The following FRAS1 variants were observed in gnomAD, a reference collection of about 807,000 sequenced individuals.
FRAS1 encodes the protein Fraser extracellular matrix complex subunit 1.
A neutral mutation model predicts 435.2 loss-of-function variants in FRAS1; 290 were observed. The ratio of observed to expected loss-of-function variants is 0.67; its 90% confidence interval spans 0.61 to 0.73. The LOEUF (loss-of-function observed/expected upper bound fraction) is 0.73. Ranked by LOEUF, FRAS1 falls within the 30% of genes least tolerant of loss-of-function variation. The probability of loss-of-function intolerance (pLI) is 0.00; values close to 1 mark genes in which losing one functional copy is unlikely to be tolerated. For missense variants in FRAS1, 4,860 were observed against 5,001.5 expected (o/e 0.97, Z 0.85); for synonymous variants, 1,800 against 1,851.0 (o/e 0.97, Z 0.71).
chr4:78,223,052 G>A (rs1724122682), intron 2 of FRAS1, among the ~76,000 whole-genome samples: 2 of 152,182 alleles, frequency 1.3e-5, no homozygotes, highest in South Asian at 4.1e-4. Context: ...AAACAGTGAG[G>A]CTGGAAGCAA....
chr4:78,159,679 G>A (rs1455758169), intron 2 of FRAS1, among the ~76,000 whole-genome samples: 3 of 152,034 alleles, frequency 2.0e-5, no homozygotes, highest in African/African-American at 7.2e-5. Flanking sequence ...TCAGGAATTC[G>A]AGACCAGCCT....
At chr4:78,444,754 G>A (rs776955885) in intron 41 of FRAS1, among the ~76,000 whole-genome samples, 2 of 152,208 alleles carry the variant, frequency 1.3e-5, no homozygotes, top group Non-Finnish European at 2.9e-5. Context: ...GTTGGGATGA[G>A]AGGAGTAATC....
chr4:78,181,371 T>G (rs927851001), intron 2 of FRAS1: 95 of 1,611,762 alleles, frequency 5.9e-5, no homozygotes, highest in Non-Finnish European at 7.9e-5. Flanking sequence ...TCTTTGACAG[T>G]TCCCCAGTTG....
At chr4:78,197,090 T>A (rs1470025504) in intron 2 of FRAS1, among the ~76,000 whole-genome samples, 1 of 152,210 alleles carries the variant, frequency 6.6e-6, no homozygotes, top group African/African-American at 2.4e-5. Context: ...ATTCCTTTCA[T>A]CCTTTTGCTT....
intron 65 of FRAS1, among the ~76,000 whole-genome samples, chr4:78,515,411 C>G (rs1158806294): frequency 1.3e-5 from 2 of 149,984 alleles, no homozygotes; most frequent in African/African-American, 4.9e-5. Context: ...ATGAGCCATA[C>G]AGTAAATCCA....
intron 2 of FRAS1, among the ~76,000 whole-genome samples, chr4:78,128,279 T>G (rs893997191): frequency 6.4e-4 from 97 of 152,284 alleles, no homozygotes; most frequent in African/African-American, 1.4e-3. Flanking sequence ...GTAATGGGAT[T>G]GCTGGGTCAA....
intron 2 of FRAS1, among the ~76,000 whole-genome samples, chr4:78,193,789 T>C (rs1396795302): frequency 6.6e-6 from 1 of 152,178 alleles, no homozygotes; most frequent in Non-Finnish European, 1.5e-5. Context: ...TTAATATTGT[T>C]ATGTGTGAAT....
intron 2 of FRAS1, among the ~76,000 whole-genome samples, chr4:78,217,699 G>C (rs1723828138): frequency 6.6e-6 from 1 of 151,942 alleles, no homozygotes. Context: ...ATTTTCCCCA[G>C]TACTGTGCCA....
At chr4:78,284,185 A>C (rs1278456689) in intron 12 of FRAS1, among the ~76,000 whole-genome samples, 1 of 147,836 alleles carries the variant, frequency 6.8e-6, no homozygotes, top group Non-Finnish European at 1.5e-5. Context: ...ACAGTGATGA[A>C]TTTCAGACAA....
At chr4:78,364,770 CA>C (rs770689558) in intron 22 of FRAS1, among the ~76,000 whole-genome samples, 3 of 152,010 alleles carry the variant, frequency 2.0e-5, no homozygotes, top group Admixed American at 6.5e-5. Flanking sequence ...GTGTCATTTG[CA>C]AAAACAAAAA....
Position 78,432,357 on chromosome 4 carries a change from G to C in FRAS1, c.4970G>C (p.Gly1657Ala). 6.3e-7 allele frequency: 1 copy of C among 1,591,872 alleles called. No individual in the cohort carries two copies. Among genetic ancestry groups the C allele is most frequent in the South Asian group, 1.1e-5 (1 of 87,482 alleles). Residue 1657 changes from glycine to alanine, a missense_variant and splice_region_variant, in exon 38 of 74, where the codon GGT becomes GCT. Gly to Ala is a moderately conservative substitution (Grantham distance 60, BLOSUM62 0). Coordinates refer to ENST00000512123, the MANE Select transcript of FRAS1 (RefSeq NM_025074.7). ...TTGCAATTTGTTTTATTCTTGGAAGGTGACACTTTCACCTATGAGGATGTT... is the reference window on the plus strand; with the variant it reads ...TTGCAATTTGTTTTATTCTTGGAAGCTGACACTTTCACCTATGAGGATGTT... ...TAEFRRPMAT[G>A]DTFTYEDVEK...
chr4:78,300,665 A>G (rs1016350270), intron 14 of FRAS1, among the ~76,000 whole-genome samples: 3 of 151,976 alleles, frequency 2.0e-5, no homozygotes, highest in Admixed American at 2.0e-4. Flanking sequence ...CTCATTTATG[A>G]CTTCACATGG....
At chr4:78,096,537 T>A (rs1358114736) in intron 2 of FRAS1, among the ~76,000 whole-genome samples, 1 of 152,214 alleles carries the variant, frequency 6.6e-6, no homozygotes, top group Non-Finnish European at 1.5e-5. Context: ...TCCAGGCATT[T>A]CCATACATCC....
intron 2 of FRAS1, among the ~76,000 whole-genome samples, chr4:78,161,742 CAAAAAAAA>C (rs71214399): frequency 1.5e-3 from 38 of 24,888 alleles, no homozygotes; most frequent in African/African-American, 4.5e-3. Flanking sequence ...AACTCTGTCT[CAAAAAAAA>C]AAAAAAAAAA....
chr4:78,075,689 G>T (rs1286667459), intron 2 of FRAS1, among the ~76,000 whole-genome samples: 2 of 152,160 alleles, frequency 1.3e-5, no homozygotes, highest in African/African-American at 4.8e-5. Context: ...CTGCTGCAAA[G>T]ATAAATGAGT....
At chr4:78,178,076 G>T (rs6814873) in intron 2 of FRAS1, among the ~76,000 whole-genome samples, 4,121 of 152,180 alleles carry the variant, frequency 0.027, 186 homozygotes, top group African/African-American at 0.093. Flanking sequence ...TTCCTTCCTC[G>T]CCTCTTCCAG....
At chr4:78,180,870 G>A in intron 2 of FRAS1, 1 of 1,592,200 alleles carries the variant, frequency 6.3e-7, no homozygotes, top group Non-Finnish European at 8.6e-7. Context: ...ATCCAGTTAA[G>A]CCAGAACTGG....
At chr4:78,239,724 A>G (rs1478476455) in intron 3 of FRAS1, among the ~76,000 whole-genome samples, 1 of 152,306 alleles carries the variant, frequency 6.6e-6, no homozygotes, top group African/African-American at 2.4e-5. Context: ...TGAGAGAACA[A>G]TTTCAGAGGG....
At chr4:78,245,038 G>T (rs538468809) in intron 3 of FRAS1, among the ~76,000 whole-genome samples, 195 bp from the exon 4 acceptor site, 1 of 152,260 alleles carries the variant, frequency 6.6e-6, no homozygotes, top group South Asian at 2.1e-4. Context: ...TACAGAGGGG[G>T]TTCATTTTAT....
Sources: gnomAD v4.1 joint callset for allele counts (sites outside exome capture counted in the v4.1 genomes callset) on GRCh38, gnomAD v4.1.1 for gene constraint, MANE v1.5 for transcripts, NCBI Gene and HGNC (gene_info 2026-07-23, HGNC 2026-07-21) for gene names.